Variants in ERLIN1 observed in about 807,000 individuals in gnomAD.
ERLIN1 encodes the protein erlin-1.
A neutral mutation model predicts 46.9 loss-of-function variants in ERLIN1; 24 were observed. The observed-to-expected ratio is 0.51, with a 90% CI of 0.37 to 0.72. ERLIN1 has a LOEUF of 0.72. ERLIN1 is among the 30% of genes least tolerant of loss of function. The probability of loss-of-function intolerance (pLI) is 0.00; values close to 1 mark genes in which losing one functional copy is unlikely to be tolerated. For missense variants in ERLIN1, 293 were observed against 417.9 expected (o/e 0.70, Z 2.61); for synonymous variants, 158 against 143.2 (o/e 1.10, Z -0.74).
At chr10:100,175,890 G>T (rs1160050497) in intron 5 of ERLIN1, 55 bp downstream of exon 5, 1 of 1,535,944 alleles carries the variant, frequency 6.5e-7, no homozygotes, top group East Asian at 2.3e-5. Flanking sequence ...CAATAAGTAA[G>T]CTGAACAAAG....
chr10:100,184,415 T>G (rs1229226273), intron 1 of ERLIN1, among the ~76,000 whole-genome samples: 2 of 152,168 alleles, frequency 1.3e-5, no homozygotes, highest in Non-Finnish European at 2.9e-5. Flanking sequence ...AAGGGCTTGT[T>G]AACCAAATCC....
intron 6 of ERLIN1, among the ~76,000 whole-genome samples, chr10:100,169,505 G>GA (rs1344554231): frequency 6.6e-6 from 1 of 151,016 alleles, no homozygotes; most frequent in African/African-American, 2.4e-5. Context: ...ATATGGAAAG[G>GA]AAAAAAATAT....
chr10:100,169,221 T>G (rs1388664316), intron 6 of ERLIN1, among the ~76,000 whole-genome samples: 1 of 152,184 alleles, frequency 6.6e-6, no homozygotes, highest in Non-Finnish European at 1.5e-5. Context: ...CTGTTTCTTT[T>G]GCCTATTAAA....
chr10:100,169,820 C>A (rs1843883658), intron 6 of ERLIN1, among the ~76,000 whole-genome samples: 1 of 152,088 alleles, frequency 6.6e-6, no homozygotes, highest in Admixed American at 6.5e-5. Context: ...GAGTTTGAGA[C>A]CAGCCTGGGC....
intron 4 of ERLIN1, among the ~76,000 whole-genome samples, chr10:100,177,470 C>T (rs936574087): frequency 5.9e-5 from 9 of 152,128 alleles, no homozygotes; most frequent in African/African-American, 1.9e-4. Flanking sequence ...CCTTTTTTAG[C>T]TCTGTATTAT....
intron 5 of ERLIN1, among the ~76,000 whole-genome samples, chr10:100,174,603 G>A (rs1844187543): frequency 6.6e-6 from 1 of 152,176 alleles, no homozygotes; most frequent in Non-Finnish European, 1.5e-5. Flanking sequence ...CAACTACTGG[G>A]TAAAATATGT....
In ERLIN1 at chr10:100,186,012, G is replaced by T. The variant is rs1308192566; in HGVS notation, c.-386C>A. ...CGCACGTGCAGCCGACTCCCGCGCC[G>T]AGCCAACCGCCGCCAACAGCCGGCC... On this transcript the variant is annotated 5_prime_UTR_variant, in exon 1 of 11. Transcript: ENST00000421367. The T allele has an allele frequency of 2.6e-5, 11 of 418,960 alleles. No individual in the cohort carries two copies. Among genetic ancestry groups the T allele is most frequent in the Non-Finnish European group, 4.2e-5 (10 of 238,758 alleles). 26.0% of individuals were successfully genotyped at this position (418,960 alleles called of 1,614,324 possible).
At chr10:100,164,818 TAA>T (rs1036486092) in intron 7 of ERLIN1, among the ~76,000 whole-genome samples, 5 of 151,800 alleles carry the variant, frequency 3.3e-5, no homozygotes, top group African/African-American at 1.2e-4. Context: ...AAATATTTTA[TAA>T]AGTTACCTTC....
chr10:100,181,128 C>T (rs1844621271), intron 2 of ERLIN1, among the ~76,000 whole-genome samples: 1 of 152,208 alleles, frequency 6.6e-6, no homozygotes. Flanking sequence ...TTTAAATACA[C>T]GTTCCTATTT....
chr10:100,180,399 A>G (rs1237764068), intron 2 of ERLIN1, among the ~76,000 whole-genome samples: 1 of 152,244 alleles, frequency 6.6e-6, no homozygotes, highest in Non-Finnish European at 1.5e-5. Flanking sequence ...ACAAAACAAA[A>G]CAAAACCAAA....
At chr10:100,160,055 G>A (rs1356757854) in intron 8 of ERLIN1, among the ~76,000 whole-genome samples, 1 of 152,054 alleles carries the variant, frequency 6.6e-6, no homozygotes. Context: ...GCAATGAAAA[G>A]GGGCACACAG....
intron 7 of ERLIN1, among the ~76,000 whole-genome samples, chr10:100,165,148 T>A (rs1428632855): frequency 1.3e-5 from 2 of 152,178 alleles, no homozygotes; most frequent in African/African-American, 4.8e-5. Context: ...AGGTGCAAGG[T>A]TATACTGGAT....
chr10:100,185,353 T>C (rs1844902246), intron 1 of ERLIN1, among the ~76,000 whole-genome samples, 161 bp downstream of exon 1: 1 of 152,140 alleles, frequency 6.6e-6, no homozygotes, highest in Non-Finnish European at 1.5e-5. Flanking sequence ...CTGTCCAACA[T>C]CTGGAGGGTG....
intron 6 of ERLIN1, among the ~76,000 whole-genome samples, chr10:100,170,372 T>A (rs1296469052): frequency 1.3e-5 from 2 of 152,188 alleles, no homozygotes; most frequent in African/African-American, 4.8e-5. Flanking sequence ...TATTTTAAAA[T>A]TTTTTTAAAC....
chr10:100,184,045 T>C (rs972215697), intron 1 of ERLIN1, among the ~76,000 whole-genome samples: 3 of 152,214 alleles, frequency 2.0e-5, no homozygotes, highest in Non-Finnish European at 4.4e-5. Context: ...ATGTTACACC[T>C]TGTTTCATAA....
rs1589503654 is a variant in ERLIN1 at position 100,151,937 on chromosome 10, G to A, written c.*194C>T. The A allele has an allele frequency of 1.6e-6, 1 of 644,284 alleles. No homozygotes were observed. The highest frequency in any genetic ancestry group is 1.7e-5 in the South Asian group (1 of 58,534). The allele number at this position is 644,284 out of a possible 1,614,324, so 39.9% of individuals were successfully genotyped here. A position where few individuals can be genotyped will look rare whatever the true frequency, so the allele number is the denominator to read the frequency against. ...TACATATAGGATACTTGATAAGACT[G>A]TGGCTGAAAAGACCATTTGTGTGTC... On this transcript the variant is annotated 3_prime_UTR_variant, in exon 11 of 11. Transcript: ENST00000421367.
chr10:100,173,406 G>T (rs11190413), intron 6 of ERLIN1, among the ~76,000 whole-genome samples: 1 of 151,958 alleles, frequency 6.6e-6, no homozygotes, highest in African/African-American at 2.4e-5. Context: ...CACCTACCCC[G>T]CCACACTGTG....
intron 10 of ERLIN1, among the ~76,000 whole-genome samples, chr10:100,153,725 A>G (rs1842924830): frequency 6.6e-6 from 1 of 152,152 alleles, no homozygotes; most frequent in Admixed American, 6.5e-5. Flanking sequence ...ATGGCATAAA[A>G]CTACTGCCCC....
chr10:100,183,744 G>A lies in ERLIN1; in HGVS notation c.195+12C>T. The stretch of plus-strand genomic sequence containing the variant: ...CTATCTGGTATGGAGGCTTCCCCTA[G>A]GAATCACTCACCTGCACAGATCTGA... On this transcript the variant is annotated intron_variant, in intron 2 of 10. Transcript: ENST00000421367. The A allele has an allele frequency of 1.3e-6, 2 of 1,590,930 alleles. No individual in the cohort carries two copies. The highest frequency in any genetic ancestry group is 1.7e-6 in the Non-Finnish European group (2 of 1,161,490).
Sources: allele counts gnomAD v4.1 joint callset (sites outside exome capture counted in the v4.1 genomes callset), GRCh38; gene constraint gnomAD v4.1.1; transcripts MANE v1.5; gene names NCBI Gene and HGNC (gene_info 2026-07-23, HGNC 2026-07-21).